Variants in PCCA observed in about 807,000 individuals in gnomAD.
PCCA encodes propionyl-CoA carboxylase subunit alpha.
A neutral mutation model predicts 101.3 loss-of-function variants in PCCA; 74 were observed. The ratio of observed to expected loss-of-function variants is 0.73; its 90% CI spans 0.61 to 0.89. The LOEUF (loss-of-function observed/expected upper bound fraction) is 0.89. PCCA is among the 40% of genes least tolerant of loss of function. The probability of loss-of-function intolerance (pLI) is 0.00; values close to 1 mark genes in which losing one functional copy is unlikely to be tolerated. For synonymous variants in PCCA, 294 were observed against 313.6 expected, an observed-to-expected ratio of 0.94 and a Z score of 0.66; for missense variants, 891 against 907.0, an observed-to-expected ratio of 0.98 and a Z score of 0.23.
chr13:100,507,588 G>C (rs2086175749), intron 21 of PCCA, among the ~76,000 whole-genome samples: 1 of 152,204 alleles, frequency 6.6e-6, no homozygotes, highest in Non-Finnish European at 1.5e-5. Context: ...GGTAACCTCA[G>C]TGCAACACAA....
chr13:100,510,556 A>G (rs1434378439), intron 21 of PCCA, among the ~76,000 whole-genome samples: 1 of 152,238 alleles, frequency 6.6e-6, no homozygotes, highest in East Asian at 1.9e-4. Flanking sequence ...GATTGAAGAA[A>G]ATAGCCTTTT....
At chr13:100,137,640 T>A (rs887391098) in intron 4 of PCCA, among the ~76,000 whole-genome samples, 1 of 152,194 alleles carries the variant, frequency 6.6e-6, no homozygotes, top group Admixed American at 6.5e-5. Context: ...TTTCTGATAC[T>A]AACCTAGGCA....
At chr13:100,145,410 A>C (rs943912800) in intron 4 of PCCA, among the ~76,000 whole-genome samples, 1 of 152,212 alleles carries the variant, frequency 6.6e-6, no homozygotes. Flanking sequence ...GACATTGCCA[A>C]CTGTGTCCTG....
chr13:100,155,277 G>A (rs1203297760), intron 5 of PCCA, among the ~76,000 whole-genome samples, 185 bp downstream of exon 5: 1 of 152,244 alleles, frequency 6.6e-6, no homozygotes, highest in Non-Finnish European at 1.5e-5. Context: ...GCATCTGGCA[G>A]TGTTGGTTGC....
intron 9 of PCCA, among the ~76,000 whole-genome samples, chr13:100,260,395 GTGTTTT>G (rs917226168): frequency 2.0e-5 from 3 of 148,866 alleles, no homozygotes; most frequent in East Asian, 2.0e-4. Context: ...GTGTGTGTGT[GTGTTTT>G]TTTTTTTTTT....
chr13:100,397,669 A>G (rs186379879), intron 19 of PCCA, among the ~76,000 whole-genome samples: 1 of 152,250 alleles, frequency 6.6e-6, no homozygotes, highest in African/African-American at 2.4e-5. Flanking sequence ...TGTTAAACCT[A>G]TGGCTTTGAG....
At chr13:100,502,136 A>C (rs2152989141) in intron 21 of PCCA, among the ~76,000 whole-genome samples, 1 of 151,998 alleles carries the variant, frequency 6.6e-6, no homozygotes, top group Admixed American at 6.6e-5. Flanking sequence ...CCCTTTACAA[A>C]CCTATTTCTG....
At chr13:100,189,499 C>T (rs746062959) in intron 6 of PCCA, among the ~76,000 whole-genome samples, 4 of 152,068 alleles carry the variant, frequency 2.6e-5, no homozygotes, top group Admixed American at 6.6e-5. Flanking sequence ...GGATATTAGT[C>T]GTTTGTTGGA....
chr13:100,198,648 A>G (rs886400851), intron 6 of PCCA, among the ~76,000 whole-genome samples: 4 of 152,020 alleles, frequency 2.6e-5, no homozygotes, highest in Non-Finnish European at 5.9e-5. Context: ...ACAGGTGCAC[A>G]CCACCATGCC....
At chr13:100,228,626 G>A (rs1385746682) in intron 7 of PCCA, among the ~76,000 whole-genome samples, 2 of 151,710 alleles carry the variant, frequency 1.3e-5, no homozygotes, top group Non-Finnish European at 2.9e-5. Flanking sequence ...GGCTGGGCGC[G>A]GTGGCTCACT....
chr13:100,402,527 G>A (rs1028967979), intron 19 of PCCA, among the ~76,000 whole-genome samples: 3 of 152,154 alleles, frequency 2.0e-5, no homozygotes, highest in Admixed American at 6.5e-5. Flanking sequence ...ACTGTGCTGA[G>A]TTCTTCATGA....
At chr13:100,433,868 TTTA>T (rs2079738132) in intron 20 of PCCA, among the ~76,000 whole-genome samples, 1 of 152,210 alleles carries the variant, frequency 6.6e-6, no homozygotes, top group Non-Finnish European at 1.5e-5. Context: ...GTATAACTGA[TTTA>T]TTTAATCAAA....
chr13:100,251,514 G>T (rs1427063429), intron 8 of PCCA, among the ~76,000 whole-genome samples: 1 of 152,148 alleles, frequency 6.6e-6, no homozygotes, highest in East Asian at 1.9e-4. Flanking sequence ...AAGAAGACAG[G>T]CAAAGATCTT....
intron 21 of PCCA, among the ~76,000 whole-genome samples, chr13:100,472,877 A>AC (rs2083128776): frequency 6.6e-6 from 1 of 152,040 alleles, no homozygotes; most frequent in African/African-American, 2.4e-5. Context: ...TAAGATAAAA[A>AC]AAAAAAAAAT....
chr13:100,096,465 TACA>T (rs1477106449), intron 1 of PCCA, among the ~76,000 whole-genome samples: 13 of 152,218 alleles, frequency 8.5e-5, no homozygotes, highest in African/African-American at 2.9e-4. Flanking sequence ...TTCTCTGAGA[TACA>T]ACAATATTGA....
chr13:100,450,690 G>A (rs2081160505), intron 21 of PCCA, among the ~76,000 whole-genome samples: 1 of 152,176 alleles, frequency 6.6e-6, no homozygotes, highest in Non-Finnish European at 1.5e-5. Context: ...TTAATAAAAT[G>A]TGTGTTTACT....
chr13:100,095,433 A>G (rs529045285), intron 1 of PCCA, among the ~76,000 whole-genome samples: 1 of 152,224 alleles, frequency 6.6e-6, no homozygotes, highest in Non-Finnish European at 1.5e-5. Flanking sequence ...ACATTTGAGT[A>G]AGGAGACTGT....
At position 100,451,715 on chromosome 13, in the gene PCCA, C is replaced by CCTCTCTCTCT. The variant is rs71114697; in HGVS notation, c.1899+2425_1899+2434dup. On this transcript the variant is annotated intron_variant, in intron 21 of 23. Coordinates refer to ENST00000376285, the MANE Select transcript of PCCA (RefSeq NM_000282.4). ...CTCCTCTTCCCCTCCTCTCCTCTCT[C>CCTCTCTCTCT]CTCTCTCTCTCTCTCTCTCTCTCTT... 1.6e-3 allele frequency among the ~76,000 whole-genome samples: 152 copies of CCTCTCTCTCT among 96,078 alleles called. 3 individuals carry two copies. The highest frequency in any genetic ancestry group is 6.4e-3 in the African/African-American group (141 of 22,044). 63.0% of individuals were successfully genotyped at this position (96,078 alleles called of 152,430 possible).
At chr13:100,350,077 T>C (rs1383286414) in intron 18 of PCCA, among the ~76,000 whole-genome samples, 3 of 152,198 alleles carry the variant, frequency 2.0e-5, no homozygotes, top group Middle Eastern at 3.2e-3. Flanking sequence ...TTTTGAAATA[T>C]GATCTTAACC....
Sources: gnomAD v4.1 joint callset for allele counts (sites outside exome capture counted in the v4.1 genomes callset) on GRCh38, gnomAD v4.1.1 for gene constraint, MANE v1.5 for transcripts, NCBI Gene and HGNC (gene_info 2026-07-23, HGNC 2026-07-21) for gene names.